Variants in SRGAP1 observed in about 807,000 individuals in gnomAD.
SRGAP1 encodes SLIT-ROBO Rho GTPase-activating protein 1.
SRGAP1 carries 43 observed loss-of-function variants against 121.9 expected under a neutral mutation model. The ratio of observed to expected loss-of-function variants is 0.35; its 90% CI spans 0.28 to 0.46. The LOEUF (loss-of-function observed/expected upper bound fraction) is 0.46, where lower values mean the gene tolerates loss of function less well. Among genes scored for constraint, SRGAP1 ranks in the 20% least tolerant of loss-of-function variants. The pLI is 1.00. For synonymous variants in SRGAP1, 447 were observed against 485.4 expected, an observed-to-expected ratio of 0.92 and a Z score of 1.04; for missense variants, 1,102 against 1,350.9, an observed-to-expected ratio of 0.82 and a Z score of 2.89.
chr12:64,053,527 C>T (rs2035280471), intron 6 of SRGAP1, among the ~76,000 whole-genome samples: 1 of 152,112 alleles, frequency 6.6e-6, no homozygotes, highest in Admixed American at 6.6e-5. Flanking sequence ...AATCTCTTAG[C>T]TTGGAATCAA....
chr12:64,082,381 C>T (rs2035863407), intron 10 of SRGAP1, among the ~76,000 whole-genome samples: 1 of 152,022 alleles, frequency 6.6e-6, no homozygotes, highest in Admixed American at 6.6e-5. Flanking sequence ...AGTCCACATG[C>T]CAAATTCCGT....
At chr12:63,991,400 A>C (rs1382134747) in intron 3 of SRGAP1, among the ~76,000 whole-genome samples, 2 of 152,244 alleles carry the variant, frequency 1.3e-5, no homozygotes, top group Non-Finnish European at 2.9e-5. Context: ...TTTCTGACCT[A>C]GAAAGGGAAT....
At chr12:63,946,778 C>T (rs1213467985) in intron 1 of SRGAP1, among the ~76,000 whole-genome samples, 1 of 152,016 alleles carries the variant, frequency 6.6e-6, no homozygotes, top group East Asian at 1.9e-4. Flanking sequence ...CTCCTGAACT[C>T]GTGATCCACC....
At chr12:64,109,274 T>G (rs1232063918) in intron 16 of SRGAP1, among the ~76,000 whole-genome samples, 1 of 152,064 alleles carries the variant, frequency 6.6e-6, no homozygotes, top group Non-Finnish European at 1.5e-5. Context: ...ATTTAAATAT[T>G]ACTAAAAAAA....
At chr12:63,927,522 G>A (rs2031305326) in intron 1 of SRGAP1, among the ~76,000 whole-genome samples, 1 of 152,092 alleles carries the variant, frequency 6.6e-6, no homozygotes, top group African/African-American at 2.4e-5. Context: ...AGTCACAGTG[G>A]CCCAGTCCGT....
At position 64,142,909 on chromosome 12, in the gene SRGAP1, A is replaced by T; in HGVS notation, c.*237A>T. 1.9e-6 allele frequency: 1 copy of T among 530,958 alleles called. No individual in the cohort carries two copies. The allele number at this position is 530,958 out of a possible 1,614,324, so 32.9% of individuals were successfully genotyped here. A position where few individuals can be genotyped will look rare whatever the true frequency, so the allele number is the denominator to read the frequency against. ...TTTTAAGGACAATAGAAACACTTAG[A>T]CTTACTTGAAAATCCAATGCTGCAC... On this transcript the variant is annotated 3_prime_UTR_variant, in exon 22 of 22. Coordinates refer to ENST00000355086, the MANE Select transcript of SRGAP1 (RefSeq NM_020762.4).
At chr12:63,889,628 G>A (rs532336235) in intron 1 of SRGAP1, among the ~76,000 whole-genome samples, 2 of 152,228 alleles carry the variant, frequency 1.3e-5, no homozygotes, top group Non-Finnish European at 2.9e-5. Context: ...AAAAAAATCC[G>A]GCCGAGTGTG....
chr12:64,112,566 ATTC>A (rs1308390836), intron 17 of SRGAP1, among the ~76,000 whole-genome samples: 2 of 152,178 alleles, frequency 1.3e-5, no homozygotes, highest in Admixed American at 1.3e-4. Context: ...ACAGGATCTC[ATTC>A]TTTTTATTGC....
At chr12:63,879,243 G>GGTCTTGAACCCAA (rs1900117693) in intron 1 of SRGAP1, 1 of 152,560 alleles carries the variant, frequency 6.6e-6, no homozygotes, top group East Asian at 1.9e-4. Flanking sequence ...TTGAACCCTT[G>GGTCTTGAACCCAA]GGCTCAAGTG....
At chr12:63,984,944 C>T (rs1255739032) in intron 2 of SRGAP1, among the ~76,000 whole-genome samples, 1 of 146,356 alleles carries the variant, frequency 6.8e-6, no homozygotes, top group African/African-American at 2.5e-5. Context: ...TGAACCTGGG[C>T]GGCGGAGGTT....
intron 3 of SRGAP1, among the ~76,000 whole-genome samples, chr12:64,007,024 TCCA>T (rs1315350647): frequency 1.3e-5 from 2 of 152,128 alleles, no homozygotes; most frequent in African/African-American, 2.4e-5. Context: ...TTGGACTGAC[TCCA>T]CCAAACAGGG....
intron 1 of SRGAP1, among the ~76,000 whole-genome samples, chr12:63,857,639 C>A (rs1899301497): frequency 6.6e-6 from 1 of 152,162 alleles, no homozygotes; most frequent in African/African-American, 2.4e-5. Context: ...CCGCCTTGGC[C>A]TCCCAAAGTG....
At chr12:64,078,808 T>G in intron 8 of SRGAP1, 111 bp from the exon 9 acceptor site, 1 of 1,038,892 alleles carries the variant, frequency 9.6e-7, no homozygotes, top group Non-Finnish European at 1.4e-6. Context: ...GACTGTGAAT[T>G]TGGCGGGGGC....
rs918890179 is a variant in SRGAP1 at position 64,154,523 on chromosome 12, T to TAAAG, written c.*11859_*11862dup. On this transcript the variant is annotated 3_prime_UTR_variant, in exon 22 of 22. Transcript: ENST00000355086. The stretch of plus-strand genomic sequence containing the variant: ...TTTGCTAATAAATTAAATATGGGAA[T>TAAAG]AAAGAAAGAAAAGAATCAAGAGTGG... The TAAAG allele has an allele frequency of 1.3e-5, 2 of 151,904 alleles. No homozygotes were observed. The highest frequency in any genetic ancestry group is 2.9e-5 in the Non-Finnish European group (2 of 67,986). 9.4% of individuals were successfully genotyped at this position (151,904 alleles called of 1,614,324 possible).
chr12:64,103,836 T>A (rs1334030516), intron 15 of SRGAP1, among the ~76,000 whole-genome samples: 1 of 152,220 alleles, frequency 6.6e-6, no homozygotes, highest in Admixed American at 6.5e-5. Context: ...AATGGTTTAA[T>A]TCACAGAAGT....
chr12:64,015,919 A>T (rs1210942453), intron 3 of SRGAP1, among the ~76,000 whole-genome samples: 1 of 152,194 alleles, frequency 6.6e-6, no homozygotes, highest in Non-Finnish European at 1.5e-5. Context: ...AAAAAAGGTC[A>T]TTTGGATATA....
At chr12:64,109,109 C>A in intron 16 of SRGAP1, 72 bp downstream of exon 16, 1 of 995,026 alleles carries the variant, frequency 1.0e-6, no homozygotes, top group Non-Finnish European at 1.4e-6. Context: ...GTAAAATGTA[C>A]GTTGGGTTCC....
chr12:64,137,494 C>A (rs116606142), intron 21 of SRGAP1, among the ~76,000 whole-genome samples: 510 of 152,204 alleles, frequency 3.4e-3, no homozygotes, highest in African/African-American at 0.012. Context: ...CCCATGGGGA[C>A]AAGTGAGCAT....
At chr12:64,097,061 A>G (rs1170822327) in intron 14 of SRGAP1, among the ~76,000 whole-genome samples, 180 bp from the exon 15 acceptor site, 1 of 152,218 alleles carries the variant, frequency 6.6e-6, no homozygotes, top group Non-Finnish European at 1.5e-5. Flanking sequence ...AACTGTTTTT[A>G]GGTTAATCAT....
Sources: gnomAD v4.1 joint callset for allele counts (sites outside exome capture counted in the v4.1 genomes callset) on GRCh38, gnomAD v4.1.1 for gene constraint, MANE v1.5 for transcripts, NCBI Gene and HGNC (gene_info 2026-07-23, HGNC 2026-07-21) for gene names.